APBB2: variants seen among roughly 807,000 people sequenced by gnomAD.
APBB2 encodes the protein amyloid beta precursor protein binding family B member 2.
A neutral mutation model predicts 82.5 loss-of-function variants in APBB2; 38 were observed. That is an observed-to-expected ratio of 0.46 (90% CI 0.36 to 0.60). The LOEUF (loss-of-function observed/expected upper bound fraction) is 0.60. APBB2 is among the 20% of genes least tolerant of loss of function. The pLI is 0.00. For synonymous variants in APBB2, 341 were observed against 368.2 expected, an observed-to-expected ratio of 0.93 and a Z score of 0.85; for missense variants, 772 against 972.3, an observed-to-expected ratio of 0.79 and a Z score of 2.74.
chr4:41,055,959 A>G (rs531132276), intron 4 of APBB2, among the ~76,000 whole-genome samples: 4 of 152,280 alleles, frequency 2.6e-5, no homozygotes, highest in Admixed American at 2.6e-4. Context: ...TTGGGAGGCC[A>G]AGGTGGGTGG....
At chr4:41,195,812 A>G in intron 1 of APBB2, among the ~76,000 whole-genome samples, 1 of 151,958 alleles carries the variant, frequency 6.6e-6, no homozygotes, top group South Asian at 2.1e-4. Flanking sequence ...TTCCCGCCAT[A>G]TGCACAACCC....
chr4:40,940,517 C>T (rs1786599418), intron 7 of APBB2, among the ~76,000 whole-genome samples: 1 of 152,158 alleles, frequency 6.6e-6, no homozygotes, highest in Non-Finnish European at 1.5e-5. Flanking sequence ...TGAAGAAGTT[C>T]AGAAAAATGA....
chr4:40,929,330 A>G (rs903574115), intron 10 of APBB2, among the ~76,000 whole-genome samples: 2 of 152,102 alleles, frequency 1.3e-5, no homozygotes, highest in Non-Finnish European at 2.9e-5. Flanking sequence ...TATTTTTGAG[A>G]CAGAGTCCTT....
intron 7 of APBB2, among the ~76,000 whole-genome samples, chr4:40,941,831 C>G (rs1787018848): frequency 1.3e-5 from 2 of 151,728 alleles, no homozygotes; most frequent in Admixed American, 1.3e-4. Flanking sequence ...GAGATGGGGT[C>G]TTGCTATGTT....
chr4:40,888,022 A>G (rs1028316459), intron 12 of APBB2, among the ~76,000 whole-genome samples: 4 of 152,228 alleles, frequency 2.6e-5, no homozygotes, highest in Non-Finnish European at 5.9e-5. Context: ...CACGTGATCA[A>G]GCGTACTTCA....
intron 4 of APBB2, among the ~76,000 whole-genome samples, chr4:41,041,827 A>G (rs1210360887): frequency 6.6e-6 from 1 of 152,232 alleles, no homozygotes; most frequent in Non-Finnish European, 1.5e-5. Context: ...TCTGAAATGT[A>G]TCCCAGGGGA....
Position 40,945,085 on chromosome 4 carries a change from G to A in APBB2, c.836-12C>T. 1 of 1,335,628 alleles carries A rather than the reference G, an allele frequency of 7.5e-7. No homozygotes were observed. The highest frequency in any genetic ancestry group is 2.0e-4 in the Middle Eastern group (1 of 4,982). 82.7% of individuals were successfully genotyped at this position (1,335,628 alleles called of 1,614,324 possible). A position where few individuals can be genotyped will look rare whatever the true frequency, so the allele number is the denominator to read the frequency against. The stretch of plus-strand genomic sequence containing the variant: ...ACTCCATATATCTGCTGAAAAATTG[G>A]GGGGCGGGGCGGGGGGAGAAAGAGA... On this transcript the variant is annotated splice_polypyrimidine_tract_variant and intron_variant, in intron 6 of 17. Coordinates refer to ENST00000508593, the MANE Select transcript of APBB2 (RefSeq NM_004307.2).
In APBB2 at chr4:40,813,611, T is replaced by C. The variant is rs1204228022; in HGVS notation, c.*2481A>G. The C allele has an allele frequency of 6.6e-6, 1 of 152,204 alleles. No individual in the cohort carries two copies. The highest frequency in any genetic ancestry group is 1.9e-4 in the East Asian group (1 of 5,202). The allele number at this position is 152,204 out of a possible 1,614,324, so 9.4% of individuals were successfully genotyped here. ...AACAAAACGTCTGCAAAGTTTTCAA[T>C]ATGTAAAGGCTATCATTCATCTTAA... is the stretch of plus-strand genomic sequence containing the variant. On this transcript the variant is annotated 3_prime_UTR_variant, in exon 18 of 18. Coordinates refer to ENST00000508593, the MANE Select transcript of APBB2 (RefSeq NM_004307.2).
intron 10 of APBB2, among the ~76,000 whole-genome samples, chr4:40,910,444 A>G (rs899216139): frequency 6.6e-6 from 1 of 151,832 alleles, no homozygotes; most frequent in Non-Finnish European, 1.5e-5. Flanking sequence ...TCACTGTGCT[A>G]CCCAGGCTGG....
At chr4:41,206,195 T>C (rs928083009) in intron 1 of APBB2, among the ~76,000 whole-genome samples, 1 of 152,048 alleles carries the variant, frequency 6.6e-6, no homozygotes, top group South Asian at 2.1e-4. Context: ...GGAATAAAAT[T>C]GAGTTAAGGA....
At chr4:40,867,852 C>T (rs1764416242) in intron 12 of APBB2, among the ~76,000 whole-genome samples, 1 of 130,464 alleles carries the variant, frequency 7.7e-6, no homozygotes, top group African/African-American at 3.0e-5. Context: ...AAAGCTTAGA[C>T]AATTTCTGGG....
At chr4:40,834,109 T>C (rs1412944864) in intron 12 of APBB2, among the ~76,000 whole-genome samples, 2 of 57,346 alleles carry the variant, frequency 3.5e-5, no homozygotes, top group African/African-American at 2.0e-4. Flanking sequence ...GGAGGAATTC[T>C]CACTTTTTTT....
At chr4:41,099,008 C>A (rs1013297874) in intron 3 of APBB2, among the ~76,000 whole-genome samples, 6 of 152,138 alleles carry the variant, frequency 3.9e-5, no homozygotes, top group African/African-American at 1.4e-4. Context: ...TAAAATTCAA[C>A]CTACAAATTT....
At chr4:41,098,440 C>A (rs1049708389) in intron 3 of APBB2, among the ~76,000 whole-genome samples, 2 of 152,106 alleles carry the variant, frequency 1.3e-5, no homozygotes, top group Admixed American at 6.6e-5. Flanking sequence ...ACCTCTGCCC[C>A]CCAAAAGTGT....
chr4:41,170,960 T>C (rs937914139), intron 1 of APBB2, among the ~76,000 whole-genome samples: 9 of 152,214 alleles, frequency 5.9e-5, no homozygotes, highest in Middle Eastern at 3.2e-3. Context: ...TTGAATGTGT[T>C]AACCTGTACA....
At chr4:41,120,646 G>A (rs1281765547) in intron 2 of APBB2, among the ~76,000 whole-genome samples, 1 of 152,152 alleles carries the variant, frequency 6.6e-6, no homozygotes, top group Non-Finnish European at 1.5e-5. Context: ...GAGAAAATGT[G>A]CCACGATACT....
At chr4:40,885,229 A>G (rs1352595577) in intron 12 of APBB2, among the ~76,000 whole-genome samples, 1 of 152,250 alleles carries the variant, frequency 6.6e-6, no homozygotes, top group Admixed American at 6.5e-5. Flanking sequence ...GTAACAAACC[A>G]CATGGCTCAT....
At chr4:41,031,305 CTAGAGT>C (rs1716698348) in intron 5 of APBB2, among the ~76,000 whole-genome samples, 1 of 152,076 alleles carries the variant, frequency 6.6e-6, no homozygotes, top group Admixed American at 6.5e-5. Flanking sequence ...TCACAGCTCC[CTAGAGT>C]TAGAAAAAGG....
intron 6 of APBB2, among the ~76,000 whole-genome samples, chr4:40,967,712 C>A (rs11932328): frequency 1.1e-3 from 167 of 152,160 alleles, no homozygotes; most frequent in Non-Finnish European, 1.9e-3. Context: ...AGGCTAGAAG[C>A]GTGAGCCGAG....
Sources: allele counts gnomAD v4.1 joint callset (sites outside exome capture counted in the v4.1 genomes callset), GRCh38; gene constraint gnomAD v4.1.1; transcripts MANE v1.5; gene names NCBI Gene and HGNC (gene_info 2026-07-23, HGNC 2026-07-21).